The following ZNF521 variants were observed in gnomAD, a reference collection of about 807,000 sequenced individuals.
The protein encoded by ZNF521 is zinc finger protein 521, also known as LYST-interacting protein 3.
Under a neutral mutation model 105.5 loss-of-function variants are expected in ZNF521, and 14 were observed. The ratio of observed to expected loss-of-function variants is 0.13; its 90% confidence interval spans 0.09 to 0.21. The LOEUF (loss-of-function observed/expected upper bound fraction) is 0.21, where lower values mean the gene tolerates loss of function less well. Among genes scored for constraint, ZNF521 ranks in the 10% least tolerant of loss-of-function variants. The pLI is 1.00. For synonymous variants in ZNF521, 635 were observed against 606.0 expected (o/e 1.05, Z -0.70); for missense variants, 1,233 against 1,629.7 (o/e 0.76, Z 4.19).
chr18:25,313,624 T>C (rs936053690), intron 3 of ZNF521, among the ~76,000 whole-genome samples: 1 of 152,316 alleles, frequency 6.6e-6, no homozygotes, highest in African/African-American at 2.4e-5. Flanking sequence ...TGAAGTATTT[T>C]TTTCAGTTTT....
intron 3 of ZNF521, among the ~76,000 whole-genome samples, chr18:25,249,379 C>A (rs1416391893): frequency 6.6e-6 from 1 of 151,730 alleles, no homozygotes. Context: ...GGATGGTCTC[C>A]ATCTCCTGAC....
intron 3 of ZNF521, among the ~76,000 whole-genome samples, chr18:25,234,876 T>C (rs1039193948): frequency 6.6e-5 from 10 of 152,224 alleles, no homozygotes; most frequent in Admixed American, 5.2e-4. Flanking sequence ...TATTTAACAA[T>C]ATTATTTAAA....
Position 25,290,607 on chromosome 18 carries a change from C to CTT in ZNF521, c.220+31399_220+31400dup, listed in dbSNP as rs35687026. ...TGTTTGATGCACAGTAGGCCATATT[C>CTT]TTTTTTTTTTTTTTTTTTTTTGAGA... On this transcript the variant is annotated intron_variant, in intron 3 of 7. Transcript: ENST00000361524. Among the ~76,000 whole-genome samples the CTT allele has an allele frequency of 9.9e-3, 1,148 of 116,108 alleles. 22 individuals are homozygous for CTT. Among genetic ancestry groups the CTT allele is most frequent in the African/African-American group, 0.025 (768 of 30,146 alleles). 76.2% of individuals were successfully genotyped at this position (116,108 alleles called of 152,430 possible).
chr18:25,079,018 C>T (rs1472133315), intron 7 of ZNF521, among the ~76,000 whole-genome samples: 3 of 152,326 alleles, frequency 2.0e-5, no homozygotes, highest in South Asian at 4.1e-4. Context: ...TGGCTTGCAT[C>T]GCACAAATCA....
chr18:25,249,015 C>T (rs765466161), intron 3 of ZNF521, among the ~76,000 whole-genome samples: 1 of 152,182 alleles, frequency 6.6e-6, no homozygotes, highest in African/African-American at 2.4e-5. Flanking sequence ...CTCACAGAAC[C>T]TCAAATATTT....
intron 5 of ZNF521, among the ~76,000 whole-genome samples, chr18:25,112,570 C>G (rs2034213558): frequency 6.6e-6 from 1 of 152,148 alleles, no homozygotes; most frequent in Non-Finnish European, 1.5e-5. Context: ...ACACTCCCAT[C>G]CAGCGCATCT....
At chr18:25,122,732 A>T (rs2034466460) in intron 5 of ZNF521, among the ~76,000 whole-genome samples, 2 of 152,198 alleles carry the variant, frequency 1.3e-5, no homozygotes, top group Non-Finnish European at 2.9e-5. Flanking sequence ...GAATGTGAAG[A>T]AAAGAAATAA....
At position 25,062,578 on chromosome 18, in the gene ZNF521, G is replaced by T; in HGVS notation, c.*134C>A. ...CAAACACATGAACATCCAACAGTTT[G>T]ATAATACAAGTTTTATGGTACAATA... On this transcript the variant is annotated 3_prime_UTR_variant, in exon 8 of 8. Coordinates refer to ENST00000361524, the MANE Select transcript of ZNF521 (RefSeq NM_015461.3). 8.2e-7 allele frequency: 1 copy of T among 1,216,292 alleles called. No homozygotes were observed. Among genetic ancestry groups the T allele is most frequent in the Non-Finnish European group, 1.2e-6 (1 of 856,514 alleles). The allele number at this position is 1,216,292 out of a possible 1,614,324, so 75.3% of individuals were successfully genotyped here.
intron 3 of ZNF521, among the ~76,000 whole-genome samples, chr18:25,281,713 G>A (rs1336513414): frequency 6.6e-6 from 1 of 152,162 alleles, no homozygotes; most frequent in Admixed American, 6.5e-5. Context: ...ATTAAAAGGT[G>A]GAGCTAGAAA....
intron 5 of ZNF521, among the ~76,000 whole-genome samples, chr18:25,135,589 C>T (rs928673466): frequency 6.6e-6 from 1 of 152,100 alleles, no homozygotes; most frequent in African/African-American, 2.4e-5. Context: ...CAACTGTGTA[C>T]CCCTCTGAGG....
rs368120722 is a variant in ZNF521 at position 25,110,449 on chromosome 18, G to A, written c.3659-18368C>T. ...GAATGGAAGGCAGGAGACCAAAAAA[G>A]AAAGAAAAAGAGGGAGAGAATGAGA... On this transcript the variant is annotated intron_variant, in intron 5 of 7. Coordinates refer to ENST00000361524, the MANE Select transcript of ZNF521 (RefSeq NM_015461.3). 4.6e-3 allele frequency among the ~76,000 whole-genome samples: 597 copies of A among 131,034 alleles called. 3 individuals are homozygous for A. Among genetic ancestry groups the A allele is most frequent in the South Asian group, 0.014 (61 of 4,416 alleles). The allele number at this position is 131,034 out of a possible 152,430, so 86.0% of individuals were successfully genotyped here.
chr18:25,202,202 G>A (rs1351243350), intron 4 of ZNF521: 1 of 152,092 alleles, frequency 6.6e-6, no homozygotes, highest in Non-Finnish European at 1.5e-5. Flanking sequence ...ATTAAATATA[G>A]CTTTAAAAAT....
At chr18:25,221,320 G>A (rs903572221) in intron 4 of ZNF521, among the ~76,000 whole-genome samples, 8 of 152,058 alleles carry the variant, frequency 5.3e-5, no homozygotes, top group African/African-American at 1.9e-4. Flanking sequence ...GGATTGCAGG[G>A]TTTTATATAG....
chr18:25,225,098 G>A lies in ZNF521; in HGVS notation c.2820C>T (p.Phe940=). The change falls in exon 4 of 8, where the codon TTC becomes TTT. Residue 940 remains phenylalanine (F), a synonymous_variant. Coordinates refer to ENST00000361524, the MANE Select transcript of ZNF521 (RefSeq NM_015461.3). This position sits in a 1 kb window ranked among gnomAD's most constrained non-coding sequence, Gnocchi z 5.6. ...YKCNVCSRTF[F]SENGLREHMQ... is the part of the protein sequence containing the mutation. ...TATGTTCCCGGAGGCCATTTTCGGA[G>A]AAGAAGGTTCGAGAGCACACGTTGC... 1 of 1,614,182 alleles carries A rather than the reference G, an allele frequency of 6.2e-7. No homozygotes were observed. Among genetic ancestry groups the A allele is most frequent in the Non-Finnish European group, 8.5e-7 (1 of 1,180,016 alleles).
chr18:25,321,803 T>C (rs1225361719), intron 3 of ZNF521, among the ~76,000 whole-genome samples: 1 of 152,156 alleles, frequency 6.6e-6, no homozygotes, highest in Non-Finnish European at 1.5e-5. Flanking sequence ...GACATTTAGG[T>C]GCATTTCAAA....
At chr18:25,350,827 CA>C in intron 2 of ZNF521, 79 bp downstream of exon 2, 15 of 1,485,712 alleles carry the variant, frequency 1.0e-5, no homozygotes, top group Non-Finnish European at 1.3e-5. Flanking sequence ...ACACGCCTCG[CA>C]GCCACGCAGC....
intron 5 of ZNF521, among the ~76,000 whole-genome samples, chr18:25,138,309 G>A (rs758930630): frequency 2.0e-5 from 3 of 152,044 alleles, no homozygotes; most frequent in East Asian, 1.9e-4. Context: ...AACAAATATC[G>A]GAAAGTTATT....
chr18:25,119,238 T>C (rs1018252101), intron 5 of ZNF521, among the ~76,000 whole-genome samples: 67 of 152,184 alleles, frequency 4.4e-4, no homozygotes, highest in Admixed American at 5.2e-4. Flanking sequence ...GCCTTAGCAA[T>C]TGATAGAACA....
At chr18:25,263,831 G>T (rs1156748142) in intron 3 of ZNF521, among the ~76,000 whole-genome samples, 1 of 152,110 alleles carries the variant, frequency 6.6e-6, no homozygotes, top group Non-Finnish European at 1.5e-5. Context: ...GCCCACCTCA[G>T]CCTCCCAAAG....
Sources: gnomAD v4.1 joint callset for allele counts (sites outside exome capture counted in the v4.1 genomes callset) on GRCh38, gnomAD v4.1.1 for gene constraint, Gnocchi (gnomAD v3.1) non-coding constraint, MANE v1.5 for transcripts, NCBI Gene and HGNC (gene_info 2026-07-23, HGNC 2026-07-21) for gene names.